PCDH15: variants seen among roughly 807,000 people sequenced by gnomAD.
PCDH15 encodes the protein protocadherin related 15.
In PCDH15, 129 loss-of-function variants were observed where a neutral mutation model predicts 178.5. That is an observed-to-expected ratio of 0.72 (90% CI 0.63 to 0.84). PCDH15 has a LOEUF of 0.84. Ranked by LOEUF, PCDH15 falls within the 40% of genes least tolerant of loss-of-function variation. The pLI, the probability that PCDH15 is intolerant of heterozygous loss-of-function variation, is 0.00. For synonymous variants in PCDH15, 800 were observed against 732.0 expected (o/e 1.09, Z -1.50); for missense variants, 2,230 against 2,099.9 (o/e 1.06, Z -1.21).
At chr10:55,140,998 A>G (rs1174959697) in intron 2 of PCDH15, among the ~76,000 whole-genome samples, 4 of 151,936 alleles carry the variant, frequency 2.6e-5, no homozygotes, top group African/African-American at 9.7e-5. Flanking sequence ...ATGTCACTGG[A>G]TAATTGTCAC....
At chr10:55,620,221 A>C (rs1843563384) in intron 2 of PCDH15, among the ~76,000 whole-genome samples, 1 of 152,214 alleles carries the variant, frequency 6.6e-6, no homozygotes, top group Middle Eastern at 3.4e-3. Flanking sequence ...CAATTGAAAA[A>C]CATTCTTAAA....
intron 6 of PCDH15, among the ~76,000 whole-genome samples, chr10:54,339,363 C>CA (rs5785069): frequency 0.08 from 10,529 of 131,626 alleles, 461 homozygotes; most frequent in African/African-American, 0.15. Context: ...AGGCATTAAA[C>CA]AAAAAAAAAA....
chr10:54,840,627 G>A (rs1231704106), intron 3 of PCDH15, among the ~76,000 whole-genome samples: 3 of 151,632 alleles, frequency 2.0e-5, no homozygotes, highest in Non-Finnish European at 3.0e-5. Context: ...ATTTTCTAAC[G>A]AAAAAGTAAA....
chr10:54,882,882 C>T (rs1260512335), intron 3 of PCDH15, among the ~76,000 whole-genome samples: 1 of 151,970 alleles, frequency 6.6e-6, no homozygotes, highest in Non-Finnish European at 1.5e-5. Flanking sequence ...GTCGCCATAG[C>T]CATAAACAGT....
In PCDH15 at chr10:54,098,607, A is replaced by T. The variant is rs116806967; in HGVS notation, c.1918-8544T>A. 3.5e-3 allele frequency among the ~76,000 whole-genome samples: 528 copies of T among 152,268 alleles called. 2 individuals are homozygous for T. The highest frequency in any genetic ancestry group is 0.011 in the African/African-American group (454 of 41,548). On this transcript the variant is annotated intron_variant, in intron 15 of 37. Transcript: ENST00000644397. ...ATAGTGTTTGGTTTGCCTAAATTGA[A>T]CTTAAAGAAAAATGTTGTCAGGCCT...
chr10:54,623,328 C>CA (rs1179780357), intron 2 of PCDH15, among the ~76,000 whole-genome samples: 1 of 151,980 alleles, frequency 6.6e-6, no homozygotes, highest in Non-Finnish European at 1.5e-5. Flanking sequence ...TTAACACAAC[C>CA]AAAAACAAAA....
intron 1 of PCDH15, among the ~76,000 whole-genome samples, chr10:55,306,349 T>C (rs1843425692): frequency 6.6e-6 from 1 of 152,244 alleles, no homozygotes; most frequent in Non-Finnish European, 1.5e-5. Flanking sequence ...GGCTTTGCGA[T>C]GAAATGTTTT....
intron 2 of PCDH15, among the ~76,000 whole-genome samples, chr10:55,575,989 G>A (rs373554435): frequency 1.3e-5 from 2 of 152,050 alleles, no homozygotes; most frequent in Non-Finnish European, 2.9e-5. Context: ...ACGATGAACC[G>A]TTCACTTTCA....
chr10:55,496,086 T>C, intron 2 of PCDH15, among the ~76,000 whole-genome samples: 1 of 151,764 alleles, frequency 6.6e-6, no homozygotes. Context: ...GAAAAATAAT[T>C]TTAGATTTGC....
chr10:55,159,703 T>A (rs1448310911), intron 2 of PCDH15, among the ~76,000 whole-genome samples: 1 of 147,778 alleles, frequency 6.8e-6, no homozygotes, highest in Non-Finnish European at 1.5e-5. Flanking sequence ...TTAAGATATA[T>A]CTATATTATA....
At position 55,464,625 on chromosome 10, in the gene PCDH15, AATATATATAT is replaced by A. The variant is rs201924826; in HGVS notation, c.-156+162990_-156+162999del. 5.9e-4 allele frequency among the ~76,000 whole-genome samples: 37 copies of A among 62,986 alleles called. No homozygotes were observed. The East Asian group carries it at 0.016, about 27-fold the overall frequency. 41.3% of individuals were successfully genotyped at this position (62,986 alleles called of 152,430 possible). A position where few individuals can be genotyped will look rare whatever the true frequency, so the allele number is the denominator to read the frequency against. On this transcript the variant is annotated intron_variant, in intron 2 of 5. Coordinates refer to the PCDH15 transcript ENST00000613346. ...TGGCCTAAAACAGTAAATGGGAGTA[AATATATATAT>A]ATATATATATATATATATATGTGTG... is the stretch of plus-strand genomic sequence containing the variant.
intron 1 of PCDH15, among the ~76,000 whole-genome samples, chr10:55,296,382 T>C (rs1843133377): frequency 6.6e-6 from 1 of 152,164 alleles, no homozygotes; most frequent in Admixed American, 6.6e-5. Context: ...TCTCTGTCAA[T>C]CAATGCCCAT....
chr10:55,434,864 A>T (rs1267314275), intron 2 of PCDH15, among the ~76,000 whole-genome samples: 1 of 152,160 alleles, frequency 6.6e-6, no homozygotes. Flanking sequence ...TTGGCCTCCC[A>T]GAGAGCTAGG....
In PCDH15 at chr10:55,295,570, T is replaced by C. The variant is rs559088478; in HGVS notation, c.-156+24029A>G. 2.4e-3 allele frequency among the ~76,000 whole-genome samples: 373 copies of C among 152,282 alleles called. 1 individual carries two copies. The highest frequency in any genetic ancestry group is 8.2e-3 in the African/African-American group (342 of 41,570). On this transcript the variant is annotated intron_variant, in intron 1 of 5. Coordinates refer to the PCDH15 transcript ENST00000458638. Reference sequence around the variant, plus strand: ...ATCTTTTGTATTAGGTAATGAAAAATGATTTACCTAAACATATTCTGGGAT... The same window carrying C: ...ATCTTTTGTATTAGGTAATGAAAAACGATTTACCTAAACATATTCTGGGAT...
At chr10:55,257,795 C>T (rs1284264891) in intron 1 of PCDH15, among the ~76,000 whole-genome samples, 1 of 152,108 alleles carries the variant, frequency 6.6e-6, no homozygotes, top group Admixed American at 6.5e-5. Flanking sequence ...TTGGAAAACA[C>T]TCTGCAGGAT....
intron 2 of PCDH15, among the ~76,000 whole-genome samples, chr10:55,470,262 C>T (rs1278315036): frequency 1.3e-4 from 19 of 151,706 alleles, no homozygotes; most frequent in Non-Finnish European, 1.5e-5. Flanking sequence ...GGCAGAATCT[C>T]GTGAACCCAG....
intron 17 of PCDH15, among the ~76,000 whole-genome samples, chr10:54,079,089 G>T (rs148340560): frequency 1.8e-3 from 281 of 152,308 alleles, no homozygotes; most frequent in African/African-American, 6.3e-3. Context: ...TTCCCTACAA[G>T]TTAGGTGAGA....
chr10:55,557,221 A>C (rs180738441), intron 2 of PCDH15, among the ~76,000 whole-genome samples: 1 of 152,180 alleles, frequency 6.6e-6, no homozygotes. Flanking sequence ...TTGCTGAAAC[A>C]TTTAAGTTTA....
chr10:54,141,015 T>C (rs1220692281), intron 14 of PCDH15, among the ~76,000 whole-genome samples: 1 of 152,018 alleles, frequency 6.6e-6, no homozygotes. Context: ...TATTTGCTAT[T>C]TGTTCTACTT....
Sources: gnomAD v4.1 joint callset for allele counts (sites outside exome capture counted in the v4.1 genomes callset) on GRCh38, gnomAD v4.1.1 for gene constraint, MANE v1.5 for transcripts, NCBI Gene and HGNC (gene_info 2026-07-23, HGNC 2026-07-21) for gene names.